LDLRAD4: variants seen among roughly 807,000 people sequenced by gnomAD.
The protein encoded by LDLRAD4 is low density lipoprotein receptor class A domain containing 4.
A neutral mutation model predicts 17.0 loss-of-function variants in LDLRAD4; 5 were observed. The observed-to-expected ratio is 0.29, with a 90% confidence interval of 0.15 to 0.62. The LOEUF is 0.62. Ranked by LOEUF, LDLRAD4 falls within the 20% of genes least tolerant of loss-of-function variation. The probability of loss-of-function intolerance (pLI) is 0.84; values close to 1 mark genes in which losing one functional copy is unlikely to be tolerated. For missense variants in LDLRAD4, 340 were observed against 424.7 expected, an observed-to-expected ratio of 0.80 and a Z score of 1.75; for synonymous variants, 168 against 171.8, an observed-to-expected ratio of 0.98 and a Z score of 0.17.
intron 3 of LDLRAD4, among the ~76,000 whole-genome samples, chr18:13,447,292 C>T (rs1283286568): frequency 6.6e-6 from 1 of 152,192 alleles, no homozygotes; most frequent in African/African-American, 2.4e-5. Context: ...ACGCTTCTGC[C>T]TGAACGGTTC....
chr18:13,328,442 G>C (rs2081653322), intron 1 of LDLRAD4, among the ~76,000 whole-genome samples: 1 of 152,176 alleles, frequency 6.6e-6, no homozygotes, highest in Admixed American at 6.5e-5. Context: ...TCCCACCCTT[G>C]AAGTGCCTGT....
chr18:13,396,148 T>G (rs902328996), intron 2 of LDLRAD4, among the ~76,000 whole-genome samples: 4 of 152,230 alleles, frequency 2.6e-5, no homozygotes, highest in African/African-American at 9.7e-5. Context: ...TATGGGAGTA[T>G]GGACTCTTTT....
At chr18:13,321,114 G>A (rs1020275075) in intron 1 of LDLRAD4, among the ~76,000 whole-genome samples, 1 of 152,148 alleles carries the variant, frequency 6.6e-6, no homozygotes, top group Non-Finnish European at 1.5e-5. Context: ...ACTTCGGCCC[G>A]AGCATGCTGC....
chr18:13,249,544 T>C (rs2043129820), intron 1 of LDLRAD4, among the ~76,000 whole-genome samples: 1 of 152,242 alleles, frequency 6.6e-6, no homozygotes, highest in Non-Finnish European at 1.5e-5. Context: ...CATTTGTATG[T>C]TTCCTTTTGA....
chr18:13,449,301 C>T (rs2091636878), intron 3 of LDLRAD4, among the ~76,000 whole-genome samples: 1 of 152,198 alleles, frequency 6.6e-6, no homozygotes, highest in Admixed American at 6.5e-5. Flanking sequence ...ACACCAGGAC[C>T]ATCCACTCAG....
rs200817049 is a variant in LDLRAD4, at chr18:13,519,620, CAG to C, written c.181+81237_181+81238del. ...TATTAAAAAAATGCAAAAAAATTAT[CAG>C]GGTGTGGTGGCATGCACCTGTAGTC... On this transcript the variant is annotated intron_variant, in intron 3 of 5. Transcript: ENST00000359446. The C allele has an allele frequency of 2.3e-3, 344 of 152,304 alleles. 7 individuals carry two copies. The East Asian group carries it at 0.045, about 20-fold the overall frequency. 9.4% of individuals were successfully genotyped at this position (152,304 alleles called of 1,614,324 possible).
At chr18:13,572,791 C>CG (rs1172805953) in intron 3 of LDLRAD4, among the ~76,000 whole-genome samples, 5 of 152,310 alleles carry the variant, frequency 3.3e-5, no homozygotes, top group African/African-American at 1.2e-4. Flanking sequence ...ATCATTTTTA[C>CG]GGGGGTTCCT....
chr18:13,379,477 C>G (rs954096582), intron 1 of LDLRAD4, among the ~76,000 whole-genome samples: 3 of 152,210 alleles, frequency 2.0e-5, no homozygotes, highest in Admixed American at 2.0e-4. Context: ...AATCAGGAAG[C>G]GTTGTCCAGA....
chr18:13,377,319 G>C (rs923220786), intron 1 of LDLRAD4, among the ~76,000 whole-genome samples: 3 of 152,184 alleles, frequency 2.0e-5, no homozygotes, highest in African/African-American at 7.2e-5. Flanking sequence ...GAACTGACTA[G>C]GCTGCGTCAC....
At chr18:13,515,726 T>C (rs921467580) in intron 3 of LDLRAD4, 3 of 152,256 alleles carry the variant, frequency 2.0e-5, no homozygotes, top group African/African-American at 7.2e-5. Flanking sequence ...TTCTAAATTA[T>C]ATTACGATCA....
intron 3 of LDLRAD4, among the ~76,000 whole-genome samples, chr18:13,592,817 A>C (rs897103984): frequency 1.3e-5 from 2 of 152,232 alleles, no homozygotes; most frequent in Non-Finnish European, 2.9e-5. Flanking sequence ...CCTTCTATAA[A>C]TTGTAGTTCC....
At chr18:13,617,555 T>C (rs909075969) in intron 3 of LDLRAD4, among the ~76,000 whole-genome samples, 5 of 152,226 alleles carry the variant, frequency 3.3e-5, no homozygotes, top group Admixed American at 1.3e-4. Flanking sequence ...ATAGCATCTA[T>C]AGAGAAACTC....
intron 1 of LDLRAD4, among the ~76,000 whole-genome samples, chr18:13,355,245 A>G (rs1456768289): frequency 6.6e-6 from 1 of 152,116 alleles, no homozygotes; most frequent in African/African-American, 2.4e-5. Flanking sequence ...AAACTTTGGC[A>G]CCCTGACAGT....
intron 1 of LDLRAD4, among the ~76,000 whole-genome samples, chr18:13,257,056 A>G (rs2043545226): frequency 6.6e-6 from 1 of 152,360 alleles, no homozygotes; most frequent in African/African-American, 2.4e-5. Flanking sequence ...AATGGTTTGT[A>G]TTCAGAGCTG....
At chr18:13,565,552 G>A (rs1382817103) in intron 3 of LDLRAD4, among the ~76,000 whole-genome samples, 2 of 152,220 alleles carry the variant, frequency 1.3e-5, no homozygotes, top group Non-Finnish European at 2.9e-5. Context: ...CAGCTGGACC[G>A]TCCTGGCGCT....
chr18:13,627,351 C>T (rs1356672522), intron 4 of LDLRAD4, among the ~76,000 whole-genome samples: 2 of 152,242 alleles, frequency 1.3e-5, no homozygotes, highest in Admixed American at 1.3e-4. Context: ...TATGGGGCCA[C>T]ACCCTGAGGC....
At chr18:13,397,509 C>A (rs2086800171) in intron 2 of LDLRAD4, among the ~76,000 whole-genome samples, 1 of 152,196 alleles carries the variant, frequency 6.6e-6, no homozygotes, top group African/African-American at 2.4e-5. Flanking sequence ...TCAAGTTATC[C>A]TCCTGCTGTG....
chr18:13,496,949 C>T (rs1465371554), intron 3 of LDLRAD4, among the ~76,000 whole-genome samples: 9 of 152,184 alleles, frequency 5.9e-5, no homozygotes. Context: ...CATTAATAAC[C>T]TTTAAACATG....
In LDLRAD4 at chr18:13,313,225, A is replaced by G. The variant is rs1031540034; in HGVS notation, c.-383+35037A>G. 1.1e-4 allele frequency among the ~76,000 whole-genome samples: 16 copies of G among 152,214 alleles called. 1 individual carries two copies. Among genetic ancestry groups the G allele is most frequent in the Admixed American group, 9.2e-4 (14 of 15,278 alleles). The stretch of plus-strand genomic sequence containing the variant: ...GCAAACTTTTTGTGTCCTTATTTGC[A>G]GAGTCCTATTTGAGTTGGCGTTGTG... On this transcript the variant is annotated intron_variant, in intron 1 of 5. Transcript: ENST00000359446.
Sources: gnomAD v4.1 joint callset for allele counts (sites outside exome capture counted in the v4.1 genomes callset) on GRCh38, gnomAD v4.1.1 for gene constraint, MANE v1.5 for transcripts, NCBI Gene and HGNC (gene_info 2026-07-23, HGNC 2026-07-21) for gene names.